ITPR2: variants seen among roughly 807,000 people sequenced by gnomAD.
The protein encoded by ITPR2 is inositol 1,4,5-trisphosphate-gated calcium channel ITPR2.
A neutral mutation model predicts 317.1 loss-of-function variants in ITPR2; 207 were observed. That is an observed-to-expected ratio of 0.65 (90% CI 0.58 to 0.73). The LOEUF is 0.73. Ranked by LOEUF, ITPR2 falls within the 30% of genes least tolerant of loss-of-function variation. The pLI is 0.00. For synonymous variants in ITPR2, 1,156 were observed against 1,149.1 expected (o/e 1.01, Z -0.12); for missense variants, 2,613 against 3,284.0 (o/e 0.80, Z 4.99).
chr12:26,459,444 A>C (rs2136779235), intron 45 of ITPR2, among the ~76,000 whole-genome samples: 1 of 152,318 alleles, frequency 6.6e-6, no homozygotes, highest in South Asian at 2.1e-4. Context: ...TGTTCACTGC[A>C]GTCCAGTTTG....
At chr12:26,384,883 TC>T (rs1346416467) in intron 55 of ITPR2, among the ~76,000 whole-genome samples, 1 of 152,178 alleles carries the variant, frequency 6.6e-6, no homozygotes, top group African/African-American at 2.4e-5. Flanking sequence ...GAATGGGGGA[TC>T]CCCTGGGTTC....
At chr12:26,606,151 A>C (rs565773297) in intron 26 of ITPR2, among the ~76,000 whole-genome samples, 92 of 151,776 alleles carry the variant, frequency 6.1e-4, no homozygotes, top group African/African-American at 2.2e-3. Context: ...AAAATGTAGA[A>C]GTATGACTTA....
intron 26 of ITPR2, among the ~76,000 whole-genome samples, chr12:26,610,411 A>G (rs1447418190): frequency 2.0e-5 from 3 of 152,224 alleles, no homozygotes; most frequent in African/African-American, 7.2e-5. Context: ...AGAATGGAAT[A>G]CAGTTTTTGC....
chr12:26,597,218 C>T, intron 30 of ITPR2, 84 bp from the exon 31 acceptor site: 1 of 1,389,384 alleles, frequency 7.2e-7, no homozygotes, highest in Non-Finnish European at 1.0e-6. Flanking sequence ...TATCTGGAAA[C>T]ACGTATATCT....
At chr12:26,545,436 T>C (rs1326122495) in intron 37 of ITPR2, among the ~76,000 whole-genome samples, 1 of 151,918 alleles carries the variant, frequency 6.6e-6, no homozygotes, top group Non-Finnish European at 1.5e-5. Flanking sequence ...GCTTTAAAGA[T>C]AGGGGATGGG....
chr12:26,550,227 A>T lies in ITPR2; in HGVS notation c.5073+20T>A. 1 of 1,019,234 alleles carries T rather than the reference A, an allele frequency of 9.8e-7. No individual in the cohort carries two copies. 63.1% of individuals were successfully genotyped at this position (1,019,234 alleles called of 1,614,324 possible). A position where few individuals can be genotyped will look rare whatever the true frequency, so the allele number is the denominator to read the frequency against. ...AAATCCTACTTTATTTTTAAATAAT[A>T]AAGTTTTTTAAAAAAATACCTCTTC... On this transcript the variant is annotated intron_variant, in intron 37 of 56. Coordinates refer to ENST00000381340, the MANE Select transcript of ITPR2 (RefSeq NM_002223.4).
chr12:26,368,210 C>T (rs1939075238), intron 55 of ITPR2, among the ~76,000 whole-genome samples: 1 of 152,200 alleles, frequency 6.6e-6, no homozygotes, highest in Non-Finnish European at 1.5e-5. Context: ...CACAAAATAT[C>T]AGCACTCAAA....
At chr12:26,734,650 CAG>C (rs1007473902) in intron 2 of ITPR2, among the ~76,000 whole-genome samples, 13 of 149,234 alleles carry the variant, frequency 8.7e-5, no homozygotes, top group African/African-American at 3.3e-4. Context: ...AAGTCTAACA[CAG>C]GGTATTTTAT....
chr12:26,340,032 C>G (rs1326057754), intron 56 of ITPR2, 135 bp downstream of exon 56: 4 of 775,142 alleles, frequency 5.2e-6, no homozygotes, highest in Non-Finnish European at 5.8e-6. Context: ...TTCTACAGTA[C>G]AACGTGAGGT....
intron 37 of ITPR2, among the ~76,000 whole-genome samples, chr12:26,529,401 G>C (rs1357242773): frequency 6.6e-6 from 1 of 152,184 alleles, no homozygotes; most frequent in Non-Finnish European, 1.5e-5. Context: ...TGCTAATGCA[G>C]ATCTTTGGGT....
intron 36 of ITPR2, among the ~76,000 whole-genome samples, chr12:26,555,099 T>C (rs186207924): frequency 7.9e-5 from 12 of 152,286 alleles, no homozygotes; most frequent in Admixed American, 5.9e-4. Context: ...AAGCCAAAAA[T>C]ACCTGATTCT....
chr12:26,703,424 T>C (rs1948490381), intron 9 of ITPR2, among the ~76,000 whole-genome samples: 1 of 152,166 alleles, frequency 6.6e-6, no homozygotes, highest in Non-Finnish European at 1.5e-5. Context: ...AATGTATACT[T>C]TCAGTATAAT....
At chr12:26,596,270 C>T (rs1945842126) in intron 31 of ITPR2, among the ~76,000 whole-genome samples, 1 of 152,194 alleles carries the variant, frequency 6.6e-6, no homozygotes. Context: ...GTAAACCTTT[C>T]AGTTTGATCA....
intron 26 of ITPR2, among the ~76,000 whole-genome samples, chr12:26,603,502 T>A (rs886636538): frequency 2.0e-5 from 3 of 152,160 alleles, no homozygotes; most frequent in African/African-American, 7.2e-5. Context: ...GGCACTAGAC[T>A]ATGGTGAATG....
chr12:26,400,847 C>T (rs1308658792), intron 52 of ITPR2: 1 of 152,346 alleles, frequency 6.6e-6, no homozygotes, highest in Non-Finnish European at 1.5e-5. Flanking sequence ...CACACTGGGA[C>T]TCAGGCAAGT....
intron 49 of ITPR2, among the ~76,000 whole-genome samples, chr12:26,427,085 A>G (rs1941082166): frequency 6.6e-6 from 1 of 152,080 alleles, no homozygotes; most frequent in Non-Finnish European, 1.5e-5. Context: ...AAGCATAGTA[A>G]AATGTAGTAG....
intron 46 of ITPR2, among the ~76,000 whole-genome samples, chr12:26,441,668 T>C (rs573325811): frequency 7.9e-5 from 12 of 152,234 alleles, no homozygotes; most frequent in African/African-American, 2.9e-4. Context: ...CCTGGACTTG[T>C]ATATCCAACT....
At chr12:26,350,553 G>A (rs1405513722) in intron 55 of ITPR2, among the ~76,000 whole-genome samples, 1 of 152,132 alleles carries the variant, frequency 6.6e-6, no homozygotes, top group Non-Finnish European at 1.5e-5. Context: ...CACCAAGTCT[G>A]AAAGCAGGGC....
At position 26,503,127 on chromosome 12, in the gene ITPR2, G is replaced by A. The variant is rs141310240; in HGVS notation, c.5074-7867C>T. Among the ~76,000 whole-genome samples, 72 of 150,884 alleles carry A rather than the reference G, an allele frequency of 4.8e-4. No homozygotes were observed. The East Asian group carries it at 0.012, about 24-fold the overall frequency. On this transcript the variant is annotated intron_variant, in intron 37 of 56. Coordinates refer to ENST00000381340, the MANE Select transcript of ITPR2 (RefSeq NM_002223.4). ...TGGCTGGTTCACAGGGCAGTGAGACGAGTGCATGGCTCCGAAGAGCTGGCA... is the reference window on the plus strand; with the variant it reads ...TGGCTGGTTCACAGGGCAGTGAGACAAGTGCATGGCTCCGAAGAGCTGGCA...
Sources: allele counts gnomAD v4.1 joint callset (sites outside exome capture counted in the v4.1 genomes callset), GRCh38; gene constraint gnomAD v4.1.1; transcripts MANE v1.5; gene names NCBI Gene and HGNC (gene_info 2026-07-23, HGNC 2026-07-21).